CHM: variants seen among roughly 807,000 people sequenced by gnomAD.
CHM encodes the protein CHM Rab escort protein.
A neutral mutation model predicts 49.0 loss-of-function variants in CHM; 10 were observed. The observed-to-expected ratio is 0.20, with a 90% CI of 0.13 to 0.35. The LOEUF (loss-of-function observed/expected upper bound fraction) is 0.35. Ranked by LOEUF, CHM falls within the 10% of genes least tolerant of loss-of-function variation. The pLI is 1.00. For missense variants in CHM, 455 were observed against 478.4 expected, an observed-to-expected ratio of 0.95 and a Z score of 0.46; for synonymous variants, 184 against 167.5, an observed-to-expected ratio of 1.10 and a Z score of -0.76.
At chrX:85,963,373 G>C (rs1930395108) in intron 5 of CHM, among the ~76,000 whole-genome samples, 1 of 112,523 alleles carries the variant, frequency 8.9e-6, no homozygotes, top group African/African-American at 3.2e-5. Context: ...AGGTTCATTA[G>C]AATTTTTCTT....
intron 12 of CHM, 38 bp downstream of exon 12, chrX:85,894,150 C>T (rs1373717816): frequency 9.3e-7 from 1 of 1,076,030 alleles, no homozygotes; most frequent in South Asian, 1.9e-5. Context: ...ACCCCCTAAA[C>T]AAACACAAAA....
chrX:85,986,853 A>G (rs1302465432), intron 2 of CHM, among the ~76,000 whole-genome samples: 2 of 111,734 alleles, frequency 1.8e-5, no homozygotes, highest in Admixed American at 1.9e-4. Context: ...AATTCAGAAT[A>G]TGGAAAGAAA....
chrX:86,027,629 G>A, intron 1 of CHM, 72 bp from the exon 2 acceptor site: 2 of 879,494 alleles, frequency 2.3e-6, no homozygotes, highest in South Asian at 2.1e-5. Context: ...TTCAATACAT[G>A]CCATTGCTGT....
chrX:86,014,018 T>C (rs376191174), intron 2 of CHM, among the ~76,000 whole-genome samples: 2 of 112,188 alleles, frequency 1.8e-5, no homozygotes, highest in East Asian at 5.6e-4. Context: ...CCATAGTTAA[T>C]GTGTAAATAT....
intron 12 of CHM, among the ~76,000 whole-genome samples, chrX:85,886,158 A>G (rs1485135833): frequency 9.0e-6 from 1 of 111,233 alleles, no homozygotes; most frequent in African/African-American, 3.3e-5. Flanking sequence ...TATTTGAAAC[A>G]AATTGTTCTG....
intron 2 of CHM, among the ~76,000 whole-genome samples, chrX:85,983,850 AAATTATTTT>A (rs1219650782): frequency 8.9e-6 from 1 of 112,005 alleles, no homozygotes; most frequent in Non-Finnish European, 1.9e-5. Context: ...CCTAAAAAAT[AAATTATTTT>A]AATAAATGAA....
At chrX:86,029,436 T>C (rs1045279054) in intron 1 of CHM, among the ~76,000 whole-genome samples, 13 of 111,815 alleles carry the variant, frequency 1.2e-4, no homozygotes, top group African/African-American at 4.2e-4. Context: ...AGTTAAAGAT[T>C]AATGCTCTTA....
At chrX:85,981,002 TTTTC>T (rs1407318367) in intron 3 of CHM, among the ~76,000 whole-genome samples, 1 of 109,135 alleles carries the variant, frequency 9.2e-6, no homozygotes, top group African/African-American at 3.3e-5. Flanking sequence ...TTGTTAGGTT[TTTTC>T]TTTTTTTTCA....
chrX:86,019,353 G>T (rs1209967875), intron 2 of CHM, among the ~76,000 whole-genome samples: 1 of 111,261 alleles, frequency 9.0e-6, no homozygotes, highest in African/African-American at 3.3e-5. Flanking sequence ...ATTATATTAA[G>T]CAAAAAAGAA....
chrX:85,981,191 C>T (rs1241011989), intron 3 of CHM, among the ~76,000 whole-genome samples: 1 of 74,024 alleles, frequency 1.4e-5, no homozygotes, highest in Non-Finnish European at 2.7e-5. Context: ...TACTCTTCAA[C>T]CAACATTTCT....
At chrX:85,978,993 T>C in intron 3 of CHM, 102 bp from the exon 4 acceptor site, 1 of 915,246 alleles carries the variant, frequency 1.1e-6, no homozygotes, top group Non-Finnish European at 1.5e-6. Context: ...GCTTATTTCA[T>C]CTTACCAAAA....
In CHM at chrX:86,039,809, C is replaced by T. The variant is rs1046507032; in HGVS notation, c.49+7675G>A. Among the ~76,000 whole-genome samples, 3 of 111,616 alleles carry T rather than the reference C, an allele frequency of 2.7e-5. No individual in the cohort carries two copies. The Admixed American group carries it at 2.9e-4, about 11-fold the overall frequency. ...AGCAGTTGGACATTAGAGACTACAG[C>T]TGGACATCAGAGAGAAGTGGCTCGA... On this transcript the variant is annotated intron_variant, in intron 1 of 14. Transcript: ENST00000357749.
At chrX:86,004,457 C>T (rs1396622981) in intron 2 of CHM, among the ~76,000 whole-genome samples, 1 of 111,964 alleles carries the variant, frequency 8.9e-6, no homozygotes, top group Non-Finnish European at 1.9e-5. Flanking sequence ...AATTAAAAGA[C>T]ACAGACTGGC....
At chrX:85,948,011 G>A (rs1255514504) in intron 8 of CHM, among the ~76,000 whole-genome samples, 1 of 111,646 alleles carries the variant, frequency 9.0e-6, no homozygotes, top group Non-Finnish European at 1.9e-5. Flanking sequence ...TTATCTAGAA[G>A]GTTGACAGTT....
At chrX:85,927,667 C>T (rs1295535809) in intron 8 of CHM, among the ~76,000 whole-genome samples, 3 of 111,855 alleles carry the variant, frequency 2.7e-5, no homozygotes, top group Non-Finnish European at 5.6e-5. Context: ...ATCAATATAA[C>T]TCTAATTGAG....
intron 8 of CHM, among the ~76,000 whole-genome samples, chrX:85,932,064 T>G (rs1928468956): frequency 8.9e-6 from 1 of 111,954 alleles, no homozygotes; most frequent in African/African-American, 3.2e-5. Flanking sequence ...AACTTAGCTT[T>G]GTATCACTAT....
At chrX:85,895,508 A>C (rs1925775504) in intron 11 of CHM, among the ~76,000 whole-genome samples, 1 of 111,722 alleles carries the variant, frequency 9.0e-6, no homozygotes, top group Non-Finnish European at 1.9e-5. Flanking sequence ...TATTCATCTG[A>C]GGAAATTTTA....
intron 4 of CHM, chrX:85,969,447 C>T: frequency 1.4e-6 from 1 of 727,049 alleles, no homozygotes; most frequent in South Asian, 7.0e-5. Context: ...TATTTCCCCA[C>T]ATAAACTATG....
chrX:86,032,981 T>A (rs765027488), intron 1 of CHM, among the ~76,000 whole-genome samples: 13 of 111,550 alleles, frequency 1.2e-4, no homozygotes, highest in African/African-American at 4.2e-4. Flanking sequence ...GAAATAGAGA[T>A]GTTTCATTAT....
Sources: gnomAD v4.1 joint callset for allele counts (sites outside exome capture counted in the v4.1 genomes callset) on GRCh38, gnomAD v4.1.1 for gene constraint, MANE v1.5 for transcripts, NCBI Gene and HGNC (gene_info 2026-07-23, HGNC 2026-07-21) for gene names.